The following CPSF2 variants were observed in gnomAD, a reference collection of about 807,000 sequenced individuals.
CPSF2 encodes cleavage and polyadenylation specificity factor subunit 2.
Under a neutral mutation model 84.2 loss-of-function variants are expected in CPSF2, and 51 were observed. That is an observed-to-expected ratio of 0.61 (90% CI 0.48 to 0.77). The LOEUF (loss-of-function observed/expected upper bound fraction) is 0.77. CPSF2 is among the 30% of genes least tolerant of loss of function. CPSF2 has a pLI of 0.00. For missense variants in CPSF2, 641 were observed against 929.4 expected (o/e 0.69, Z 4.03); for synonymous variants, 286 against 311.9 (o/e 0.92, Z 0.87).
intron 9 of CPSF2, among the ~76,000 whole-genome samples, chr14:92,144,252 A>G (rs991626660): frequency 1.3e-5 from 2 of 152,108 alleles, no homozygotes; most frequent in African/African-American, 4.8e-5. Flanking sequence ...TTTAGCATCC[A>G]TGTGTATGAT....
intron 1 of CPSF2, among the ~76,000 whole-genome samples, chr14:92,124,691 TGTC>T (rs2068823557): frequency 6.6e-6 from 1 of 152,334 alleles, no homozygotes; most frequent in East Asian, 1.9e-4. Context: ...GCACTTCAGA[TGTC>T]GTTAGTCTAT....
rs145433969 is a variant in CPSF2 at position 92,132,767 on chromosome 14, C to T, written c.150-1244C>T. On this transcript the variant is annotated intron_variant, in intron 3 of 15. Transcript: ENST00000298875. Reference sequence around the variant, plus strand: ...AGCTTGGGCAACAAGAGTGAAACTCCGTCTCAAAAAAAAAACAAAAAAAAC... The same window carrying T: ...AGCTTGGGCAACAAGAGTGAAACTCTGTCTCAAAAAAAAAACAAAAAAAAC... Among the ~76,000 whole-genome samples the T allele has an allele frequency of 5.5e-3, 807 of 146,958 alleles. 4 individuals are homozygous for T. The highest frequency in any genetic ancestry group is 0.019 in the African/African-American group (765 of 39,582).
Position 92,157,924 on chromosome 14 carries a change from C to CT in CPSF2, c.1821+45dup. Reference sequence around the variant, plus strand: ...AGTTGCCATTGAGTAGAAATAAGTACTTTTTGTTGCAGGTTAGGACAGATA... The same window carrying CT: ...AGTTGCCATTGAGTAGAAATAAGTACTTTTTTGTTGCAGGTTAGGACAGATA... On this transcript the variant is annotated intron_variant, in intron 13 of 15. Coordinates refer to ENST00000298875, the MANE Select transcript of CPSF2 (RefSeq NM_017437.3). The surrounding 1 kb of genome is among the most constrained non-coding windows in gnomAD (Gnocchi z 4.0). 7.2e-7 allele frequency: 1 copy of CT among 1,389,696 alleles called. No homozygotes were observed. The highest frequency in any genetic ancestry group is 1.0e-6 in the Non-Finnish European group (1 of 976,564). 86.1% of individuals were successfully genotyped at this position (1,389,696 alleles called of 1,614,324 possible). A position where few individuals can be genotyped will look rare whatever the true frequency, so the allele number is the denominator to read the frequency against.
rs1172382608 is a variant in CPSF2, at chr14:92,159,845, T to C, written c.2121+563T>C. ...TCTTTTAAGGTACATAATTGTTTCA[T>C]GATTTTTTTTTTTTGGTCTGGATTT... is the stretch of plus-strand genomic sequence containing the variant. On this transcript the variant is annotated intron_variant, in intron 14 of 15. Coordinates refer to ENST00000298875, the MANE Select transcript of CPSF2 (RefSeq NM_017437.3). Among the ~76,000 whole-genome samples, 3 of 151,984 alleles carry C rather than the reference T, an allele frequency of 2.0e-5. No individual in the cohort carries two copies. The East Asian group carries it at 5.8e-4, about 29-fold the overall frequency.
rs1002532771 is a variant in CPSF2 at position 92,169,404 on chromosome 14, CTATT to C, written c.*7663_*7666del. ...GGTTGATTTTTTAATTTTACATTAA[CTATT>C]TAATATCAGACTATAACTAAAATAC... On this transcript the variant is annotated 3_prime_UTR_variant, in exon 16 of 16. Transcript: ENST00000298875. 2 of 147,752 alleles carry C rather than the reference CTATT, an allele frequency of 1.4e-5. No individual in the cohort carries two copies. Among genetic ancestry groups the C allele is most frequent in the African/African-American group, 2.5e-5 (1 of 39,320 alleles). The allele number at this position is 147,752 out of a possible 1,614,324, so 9.2% of individuals were successfully genotyped here.
At position 92,157,509 on chromosome 14, in the gene CPSF2, A is replaced by G; in HGVS notation, c.1596-150A>G. 1 of 640,438 alleles carries G rather than the reference A, an allele frequency of 1.6e-6. No individual in the cohort carries two copies. The highest frequency in any genetic ancestry group is 1.9e-5 in the African/African-American group (1 of 53,892). 39.7% of individuals were successfully genotyped at this position (640,438 alleles called of 1,614,324 possible). The stretch of plus-strand genomic sequence containing the variant: ...GCAAAAGAGCGAGACCCAATCTCAG[A>G]AAAATAAAAACAAAAATAAAATAAA... On this transcript the variant is annotated intron_variant, in intron 12 of 15. Transcript: ENST00000298875. This position sits in a 1 kb window ranked among gnomAD's most constrained non-coding sequence, Gnocchi z 4.0.
Position 92,134,143 on chromosome 14 carries a change from A to AC in CPSF2, c.283dup (p.Gln95ProfsTer6). On this transcript the variant is annotated frameshift_variant, in exon 4 of 16. Coordinates refer to ENST00000298875, the MANE Select transcript of CPSF2 (RefSeq NM_017437.3). LOFTEE classifies it high-confidence loss of function. ...CAACCATTCCTGTTTATAAAATGGG[A>AC]CAGATGTTCATGTATGATCTTTATC... The AC allele has an allele frequency of 6.2e-7, 1 of 1,614,176 alleles. No homozygotes were observed. Among genetic ancestry groups the AC allele is most frequent in the Non-Finnish European group, 8.5e-7 (1 of 1,180,006 alleles).
chr14:92,126,234 A>G (rs942620443), intron 2 of CPSF2, 54 bp downstream of exon 2: 2 of 152,216 alleles, frequency 1.3e-5, no homozygotes, highest in African/African-American at 4.8e-5. Context: ...AATTGTAGTG[A>G]AAATATCTTT....
rs1388163674 is a variant in CPSF2, at chr14:92,122,035, C to G, written c.-187C>G. ...TTCTGCCGGCCGGTAGTCCCTGGCG[C>G]TGCTGACCCAGCATCGGCTTTTCTA... On this transcript the variant is annotated 5_prime_UTR_variant, in exon 1 of 16. Transcript: ENST00000298875. The G allele has an allele frequency of 1.7e-6, 1 of 589,884 alleles. No homozygotes were observed. The highest frequency in any genetic ancestry group is 1.9e-5 in the African/African-American group (1 of 53,556). The allele number at this position is 589,884 out of a possible 1,614,324, so 36.5% of individuals were successfully genotyped here.
intron 1 of CPSF2, chr14:92,122,341 T>G (rs1246982158): frequency 5.7e-6 from 1 of 175,792 alleles, no homozygotes; most frequent in Non-Finnish European, 1.2e-5. Flanking sequence ...CCAGCTGTTT[T>G]GCGGCAGCCC....
chr14:92,167,894 T>TG lies in CPSF2; in HGVS notation c.*6150_*6151insG, dbSNP rs2069469913. ...AGTGATTGAGAGGTTAATTGCAGGT[T>TG]TTTTTTTTTTTTTTTTCTGGTAACC... On this transcript the variant is annotated 3_prime_UTR_variant, in exon 16 of 16. Coordinates refer to ENST00000298875, the MANE Select transcript of CPSF2 (RefSeq NM_017437.3). The TG allele has an allele frequency of 1.1e-5, 1 of 92,358 alleles. No homozygotes were observed. The highest frequency in any genetic ancestry group is 4.3e-5 in the African/African-American group (1 of 23,134). The allele number at this position is 92,358 out of a possible 1,614,324, so 5.7% of individuals were successfully genotyped here. A position where few individuals can be genotyped will look rare whatever the true frequency, so the allele number is the denominator to read the frequency against.
chr14:92,130,911 G>A (rs2068916460), intron 2 of CPSF2, 40 bp from the exon 3 acceptor site: 1 of 1,275,156 alleles, frequency 7.8e-7, no homozygotes, highest in Non-Finnish European at 1.1e-6. Context: ...ATGCCAGACT[G>A]TGCTTTTATG....
At chr14:92,128,614 T>C (rs2068873170) in intron 2 of CPSF2, among the ~76,000 whole-genome samples, 1 of 152,126 alleles carries the variant, frequency 6.6e-6, no homozygotes, top group Non-Finnish European at 1.5e-5. Flanking sequence ...AGCAAGACAT[T>C]TGAGTGTTTG....
At position 92,170,939 on chromosome 14, in the gene CPSF2, CATG is replaced by C. The variant is rs2069509958; in HGVS notation, c.*9199_*9201del. On this transcript the variant is annotated 3_prime_UTR_variant, in exon 16 of 16. Transcript: ENST00000298875. ...TTTGGTATAAACTTAAAAAGTACAG[CATG>C]ATGTTTTGGTATATGTATCCATAGT... is the stretch of plus-strand genomic sequence containing the variant. 1 of 152,086 alleles carries C rather than the reference CATG, an allele frequency of 6.6e-6. No individual in the cohort carries two copies. Among genetic ancestry groups the C allele is most frequent in the African/African-American group, 2.4e-5 (1 of 41,408 alleles). 9.4% of individuals were successfully genotyped at this position (152,086 alleles called of 1,614,324 possible). A position where few individuals can be genotyped will look rare whatever the true frequency, so the allele number is the denominator to read the frequency against.
rs1435112768 is a variant in CPSF2, at chr14:92,169,420, TATAA to T, written c.*7677_*7680del. On this transcript the variant is annotated 3_prime_UTR_variant, in exon 16 of 16. Coordinates refer to ENST00000298875, the MANE Select transcript of CPSF2 (RefSeq NM_017437.3). ...TTACATTAACTATTTAATATCAGAC[TATAA>T]CTAAAATACAAGTAGTGGAATTATA... 1 of 144,044 alleles carries T rather than the reference TATAA, an allele frequency of 6.9e-6. No homozygotes were observed. The highest frequency in any genetic ancestry group is 1.5e-5 in the Non-Finnish European group (1 of 65,874). 8.9% of individuals were successfully genotyped at this position (144,044 alleles called of 1,614,324 possible).
chr14:92,155,234 A>C lies in CPSF2; in HGVS notation c.1353A>C (p.Gly451=), dbSNP rs1296187574. The change falls in exon 11 of 16, where the codon GGA becomes GGC. Residue 451 remains glycine, a synonymous_variant. Transcript: ENST00000298875. ...TGAAAGGTGAAGGCAGTCGTAAAGG[A>C]AGTTTTTTCAAACAGGCAAAAAAGT... ...LMMKGEGSRK[G]SFFKQAKKSY... 1 of 1,614,128 alleles carries C rather than the reference A, an allele frequency of 6.2e-7. No individual in the cohort carries two copies. The highest frequency in any genetic ancestry group is 1.1e-5 in the South Asian group (1 of 91,086).
At chr14:92,139,754 G>A (rs1000402319) in intron 7 of CPSF2, among the ~76,000 whole-genome samples, 1 of 151,446 alleles carries the variant, frequency 6.6e-6, no homozygotes, top group Non-Finnish European at 1.5e-5. Flanking sequence ...GGCCAGGCTG[G>A]TGTTGAACTC....
intron 9 of CPSF2, 77 bp from the exon 10 acceptor site, chr14:92,154,281 T>A (rs1468241645): frequency 7.5e-6 from 7 of 928,996 alleles, no homozygotes; most frequent in Non-Finnish European, 8.1e-6. Flanking sequence ...AGAGATGTGA[T>A]GTATCTCATA....
At chr14:92,125,651 C>CT (rs1170675876) in intron 1 of CPSF2, among the ~76,000 whole-genome samples, 12 of 151,896 alleles carry the variant, frequency 7.9e-5, no homozygotes, top group Middle Eastern at 6.8e-3. Context: ...TATCTGGCCC[C>CT]TTTCTGTTCA....
Sources: gnomAD v4.1 joint callset for allele counts (sites outside exome capture counted in the v4.1 genomes callset) on GRCh38, gnomAD v4.1.1 for gene constraint, Gnocchi (gnomAD v3.1) non-coding constraint, MANE v1.5 for transcripts, NCBI Gene and HGNC (gene_info 2026-07-23, HGNC 2026-07-21) for gene names.